The following THSD7A variants were observed in gnomAD, a reference collection of about 807,000 sequenced individuals.
THSD7A encodes the protein thrombospondin type-1 domain-containing protein 7A.
In THSD7A, 96 loss-of-function variants were observed where a neutral mutation model predicts 231.3. That is an observed-to-expected ratio of 0.41 (90% CI 0.35 to 0.49). THSD7A has a LOEUF of 0.49. Among genes scored for constraint, THSD7A ranks in the 20% least tolerant of loss-of-function variants. The probability of loss-of-function intolerance (pLI) is 0.05; values close to 1 mark genes in which losing one functional copy is unlikely to be tolerated. For missense variants in THSD7A, 2,290 were observed against 2,070.2 expected (o/e 1.11, Z -2.06); for synonymous variants, 940 against 743.3 (o/e 1.26, Z -4.30).
At chr7:11,617,848 G>A (rs371513559) in intron 2 of THSD7A, among the ~76,000 whole-genome samples, 2 of 152,144 alleles carry the variant, frequency 1.3e-5, no homozygotes, top group Non-Finnish European at 2.9e-5. Flanking sequence ...GGGGTAGGGA[G>A]AGGAGGGAGG....
chr7:11,828,897 A>G (rs951528360), intron 1 of THSD7A, among the ~76,000 whole-genome samples: 5 of 152,124 alleles, frequency 3.3e-5, no homozygotes, highest in Admixed American at 6.5e-5. Flanking sequence ...CTGCTCAAAC[A>G]ACAAAACCAA....
intron 1 of THSD7A, among the ~76,000 whole-genome samples, chr7:11,740,395 T>C (rs1782071930): frequency 6.6e-6 from 1 of 152,002 alleles, no homozygotes; most frequent in East Asian, 1.9e-4. Flanking sequence ...TAAATGAAGA[T>C]TGTGTCAATC....
At chr7:11,464,896 C>T (rs529987125) in intron 9 of THSD7A, among the ~76,000 whole-genome samples, 9 of 152,226 alleles carry the variant, frequency 5.9e-5, no homozygotes, top group East Asian at 3.9e-4. Context: ...AAAGTTACAG[C>T]GCTGTAGAGC....
chr7:11,683,567 A>C (rs756795503), intron 1 of THSD7A, among the ~76,000 whole-genome samples: 2 of 152,090 alleles, frequency 1.3e-5, no homozygotes, highest in Non-Finnish European at 2.9e-5. Context: ...AAGAAACAAA[A>C]AAGATCCTCA....
rs772197930 is a variant in THSD7A, at chr7:11,636,997, C to A, written c.191-36G>T. The A allele has an allele frequency of 3.2e-6, 5 of 1,559,158 alleles. No homozygotes were observed. In the African/African-American group the frequency reaches 5.4e-5, roughly 17 times the overall value. Reference sequence around the variant, plus strand: ...TATAACACAAAAATTAGCAGTGCTACTAGAAGAAAACTACAAGTTACTGCA... The same window carrying A: ...TATAACACAAAAATTAGCAGTGCTAATAGAAGAAAACTACAAGTTACTGCA... On this transcript the variant is annotated intron_variant, in intron 1 of 27. Transcript: ENST00000423059. This position sits in a 1 kb window ranked among gnomAD's most constrained non-coding sequence, Gnocchi z 10.0.
chr7:11,674,777 G>A (rs1281008643), intron 1 of THSD7A, among the ~76,000 whole-genome samples: 1 of 152,074 alleles, frequency 6.6e-6, no homozygotes, highest in Non-Finnish European at 1.5e-5. Flanking sequence ...CACCTCCAAA[G>A]GATTGCACTA....
chr7:11,475,770 A>T (rs1396052991), intron 7 of THSD7A, among the ~76,000 whole-genome samples: 2 of 150,988 alleles, frequency 1.3e-5, no homozygotes, highest in Non-Finnish European at 2.9e-5. Context: ...AATGTTTTGC[A>T]TTGTAAAATA....
chr7:11,387,194 G>T (rs2115317352), intron 23 of THSD7A, among the ~76,000 whole-genome samples: 1 of 152,214 alleles, frequency 6.6e-6, no homozygotes, highest in South Asian at 2.1e-4. Context: ...GGCTATGCGG[G>T]CTCTTTTTTT....
chr7:11,723,438 C>A (rs1291084726), intron 1 of THSD7A, among the ~76,000 whole-genome samples: 3 of 151,520 alleles, frequency 2.0e-5, no homozygotes, highest in African/African-American at 7.3e-5. Context: ...AACAAACCTG[C>A]ACACTGTGCA....
chr7:11,776,133 A>G (rs1332820789), intron 1 of THSD7A, among the ~76,000 whole-genome samples: 1 of 152,194 alleles, frequency 6.6e-6, no homozygotes, highest in Admixed American at 6.5e-5. Flanking sequence ...ACTTTCAATG[A>G]AGCAAACTAA....
intron 1 of THSD7A, among the ~76,000 whole-genome samples, chr7:11,722,143 G>T (rs145047284): frequency 6.6e-6 from 1 of 151,930 alleles, no homozygotes; most frequent in Non-Finnish European, 1.5e-5. Flanking sequence ...CTGGGCATAG[G>T]CCTAGCTAAC....
chr7:11,390,613 C>G (rs1412234746), intron 23 of THSD7A, among the ~76,000 whole-genome samples: 3 of 152,036 alleles, frequency 2.0e-5, no homozygotes, highest in Non-Finnish European at 4.4e-5. Flanking sequence ...AACTTATTCT[C>G]TGTCCAGTTT....
intron 1 of THSD7A, among the ~76,000 whole-genome samples, chr7:11,764,285 A>C (rs192977642): frequency 5.9e-5 from 9 of 152,318 alleles, no homozygotes; most frequent in Admixed American, 3.3e-4. Context: ...AAAAATAGAT[A>C]AATTTAAAAG....
At chr7:11,460,324 G>C (rs1369727309) in intron 11 of THSD7A, among the ~76,000 whole-genome samples, 1 of 152,026 alleles carries the variant, frequency 6.6e-6, no homozygotes, top group East Asian at 1.9e-4. Context: ...ACGGTGGCAA[G>C]CAAAATGCTG....
intron 6 of THSD7A, among the ~76,000 whole-genome samples, chr7:11,500,626 A>G (rs1274547545): frequency 6.6e-6 from 1 of 151,922 alleles, no homozygotes; most frequent in African/African-American, 2.4e-5. Flanking sequence ...AAAAAAATCT[A>G]CCAAGCAAAT....
intron 1 of THSD7A, among the ~76,000 whole-genome samples, chr7:11,647,854 A>G (rs1782341959): frequency 6.6e-6 from 1 of 152,082 alleles, no homozygotes; most frequent in Non-Finnish European, 1.5e-5. Context: ...GAAGAAGCTT[A>G]TACTAACTAC....
At chr7:11,796,267 T>C (rs1056530193) in intron 1 of THSD7A, among the ~76,000 whole-genome samples, 54 of 151,452 alleles carry the variant, frequency 3.6e-4, no homozygotes, top group Middle Eastern at 3.4e-3. Context: ...TTTCTATTCT[T>C]GTGACAAAAT....
chr7:11,511,194 GA>G (rs1185143478), intron 6 of THSD7A, among the ~76,000 whole-genome samples: 1 of 152,116 alleles, frequency 6.6e-6, no homozygotes, highest in East Asian at 1.9e-4. Context: ...TTGCTTCAAA[GA>G]GAATAAAATA....
chr7:11,663,305 AATGAC>A (rs1783002908), intron 1 of THSD7A, among the ~76,000 whole-genome samples: 1 of 151,484 alleles, frequency 6.6e-6, no homozygotes, highest in African/African-American at 2.4e-5. Context: ...ACTTATCAAA[AATGAC>A]ATTAGGAGAT....
Sources: gnomAD v4.1 joint callset for allele counts (sites outside exome capture counted in the v4.1 genomes callset) on GRCh38, gnomAD v4.1.1 for gene constraint, Gnocchi (gnomAD v3.1) non-coding constraint, MANE v1.5 for transcripts, NCBI Gene and HGNC (gene_info 2026-07-23, HGNC 2026-07-21) for gene names.